The following RC3H1 variants were observed in gnomAD, a reference collection of about 807,000 sequenced individuals.
The protein encoded by RC3H1 is roquin-1.
RC3H1 carries 50 observed loss-of-function variants against 138.2 expected under a neutral mutation model. The ratio of observed to expected loss-of-function variants is 0.36; its 90% CI spans 0.29 to 0.46. RC3H1 has a LOEUF of 0.46. RC3H1 is among the 20% of genes least tolerant of loss of function. The probability of loss-of-function intolerance (pLI) is 1.00; values close to 1 mark genes in which losing one functional copy is unlikely to be tolerated. For synonymous variants in RC3H1, 462 were observed against 489.1 expected, an observed-to-expected ratio of 0.94 and a Z score of 0.73; for missense variants, 1,031 against 1,388.1, an observed-to-expected ratio of 0.74 and a Z score of 4.09.
intron 1 of RC3H1, among the ~76,000 whole-genome samples, chr1:174,018,656 G>T (rs1415218265): frequency 6.6e-6 from 1 of 152,190 alleles, no homozygotes; most frequent in Non-Finnish European, 1.5e-5. Flanking sequence ...GGAAAAGGCT[G>T]ACCAAAATCT....
chr1:174,002,575 A>T (rs563028183), intron 1 of RC3H1, among the ~76,000 whole-genome samples: 1 of 152,344 alleles, frequency 6.6e-6, no homozygotes, highest in East Asian at 1.9e-4. Flanking sequence ...CATCTAAAAA[A>T]GTCATTCAAT....
rs1196306006 is a variant in RC3H1, at chr1:173,936,745, ATATATATATATATATATTTT to A, written c.*1956_*1975del. On this transcript the variant is annotated 3_prime_UTR_variant, in exon 20 of 20. Coordinates refer to ENST00000367696, the MANE Select transcript of RC3H1 (RefSeq NM_172071.4). ...AAAAAGCATACATATATATATATAT[ATATATATATATATATATTTT>A]TTTTTTTTTTTTTAAAAAAAGAAGA... The A allele has an allele frequency of 2.8e-3, 142 of 51,512 alleles. No homozygotes were observed. The highest frequency in any genetic ancestry group is 0.011 in the African/African-American group (86 of 7,514). 3.2% of individuals were successfully genotyped at this position (51,512 alleles called of 1,614,324 possible).
chr1:173,967,219 G>A (rs1331654002), intron 9 of RC3H1, among the ~76,000 whole-genome samples: 1 of 152,146 alleles, frequency 6.6e-6, no homozygotes, highest in Non-Finnish European at 1.5e-5. Context: ...TTCTCGGGAG[G>A]CTGAGGTGAG....
At chr1:173,975,669 C>T (rs1182373406) in intron 7 of RC3H1, among the ~76,000 whole-genome samples, 6 of 60,550 alleles carry the variant, frequency 9.9e-5, no homozygotes, top group Admixed American at 4.9e-4. Context: ...GAGGCCGAGG[C>T]GGGCGGATCA....
chr1:173,941,292 G>A lies in RC3H1; in HGVS notation c.3224C>T (p.Pro1075Leu), dbSNP rs745392105. 14 of 1,612,968 alleles carry A rather than the reference G, an allele frequency of 8.7e-6. No homozygotes were observed. Among genetic ancestry groups the A allele is most frequent in the Admixed American group, 5.0e-5 (3 of 59,964 alleles). The change falls in exon 19 of 20, where the codon CCG becomes CTG. Residue 1075 changes from proline (P) to leucine (L), a missense_variant. Pro to Leu is a moderately conservative substitution (Grantham distance 98). Transcript: ENST00000367696. ...NGQPEPQNKV[P>L]AEDLTLTFSD... ...GAATGTCAATGTAAGGTCCTCAGCC[G>A]GAACCTTGTTTTGTGGTTCTGGTTG...
intron 1 of RC3H1, among the ~76,000 whole-genome samples, chr1:174,017,453 T>C (rs1661880512): frequency 6.6e-6 from 1 of 152,140 alleles, no homozygotes; most frequent in African/African-American, 2.4e-5. Flanking sequence ...TTCCTAACAA[T>C]CACATCCCAA....
chr1:173,967,140 T>C (rs944152259), intron 9 of RC3H1, among the ~76,000 whole-genome samples: 11 of 151,824 alleles, frequency 7.2e-5, no homozygotes, highest in Admixed American at 1.3e-4. Flanking sequence ...CTGGGAAACA[T>C]GGGAAAACTG....
chr1:173,947,978 T>TA (rs375496893), intron 14 of RC3H1, among the ~76,000 whole-genome samples: 62,429 of 151,876 alleles, frequency 0.41, 17,585 homozygotes, highest in African/African-American at 0.8. Context: ...CTCCTGGGCT[T>TA]AGCTTGCCTC....
chr1:173,971,914 C>A (rs1184814068), intron 8 of RC3H1, among the ~76,000 whole-genome samples: 2 of 151,964 alleles, frequency 1.3e-5, no homozygotes, highest in Non-Finnish European at 2.9e-5. Context: ...TCTAATGAAC[C>A]TAATATAAAT....
intron 15 of RC3H1, 33 bp downstream of exon 15, chr1:173,947,335 AC>A (rs762705017): frequency 6.9e-7 from 1 of 1,440,542 alleles, no homozygotes; most frequent in Non-Finnish European, 9.8e-7. Context: ...AAGATTATGA[AC>A]CCTTTAGGTC....
At chr1:173,994,349 G>A (rs1454890240) in intron 1 of RC3H1, among the ~76,000 whole-genome samples, 4 of 151,970 alleles carry the variant, frequency 2.6e-5, no homozygotes, top group Admixed American at 6.6e-5. Context: ...GCCGAGATCC[G>A]CCACTGTACT....
chr1:173,947,934 G>T (rs1307212780), intron 14 of RC3H1, among the ~76,000 whole-genome samples: 1 of 150,836 alleles, frequency 6.6e-6, no homozygotes, highest in Non-Finnish European at 1.5e-5. Flanking sequence ...TTATAGAGAT[G>T]AGGTCTCCCT....
intron 1 of RC3H1, among the ~76,000 whole-genome samples, chr1:173,993,925 C>T (rs1183466413): frequency 7.1e-6 from 1 of 140,200 alleles, no homozygotes; most frequent in Non-Finnish European, 1.5e-5. Context: ...GAGGCTGAGG[C>T]GGGAGAATCG....
rs1486936389 is a variant in RC3H1, at chr1:173,938,867, C to T, written c.3256G>A (p.Val1086Ile). ...TGTGTCAAGGCTGATCCATTTGGTA[C>T]ATCACTGCTGACATTTTAAAATTTT... ...AEDLTLTFSDVPNGSALTQEN... is the reference protein window; with the variant it reads ...AEDLTLTFSDIPNGSALTQEN... The change falls in exon 20 of 20, where the codon GTA becomes ATA. Residue 1086 changes from valine to isoleucine, a missense_variant. Val to Ile is a conservative substitution (Grantham distance 29, BLOSUM62 3). Coordinates refer to ENST00000367696, the MANE Select transcript of RC3H1 (RefSeq NM_172071.4). 1 of 1,599,922 alleles carries T rather than the reference C, an allele frequency of 6.3e-7. No individual in the cohort carries two copies. The highest frequency in any genetic ancestry group is 1.3e-5 in the African/African-American group (1 of 74,228).
intron 11 of RC3H1, among the ~76,000 whole-genome samples, chr1:173,962,882 T>A (rs74126479): frequency 0.033 from 4,996 of 152,308 alleles, 100 homozygotes; most frequent in Middle Eastern, 0.095. Flanking sequence ...TTTGCATGAA[T>A]TAGTAATGCC....
intron 1 of RC3H1, among the ~76,000 whole-genome samples, chr1:174,011,265 C>T (rs1347335062): frequency 6.6e-6 from 1 of 151,584 alleles, no homozygotes; most frequent in South Asian, 2.1e-4. Context: ...GAATCCATAA[C>T]TCAATTAAAA....
At chr1:173,985,441 A>C (rs773337748) in intron 2 of RC3H1, among the ~76,000 whole-genome samples, 24 of 152,214 alleles carry the variant, frequency 1.6e-4, no homozygotes, top group Non-Finnish European at 3.5e-4. Flanking sequence ...TTTATGTAGA[A>C]AGATAATTCT....
At chr1:174,008,976 G>GAAAAAA (rs59047478) in intron 1 of RC3H1, among the ~76,000 whole-genome samples, 1 of 84,240 alleles carries the variant, frequency 1.2e-5, no homozygotes, top group Non-Finnish European at 2.6e-5. Flanking sequence ...GACTTTGTCT[G>GAAAAAA]AAAAAAAAAA....
At position 173,970,746 on chromosome 1, in the gene RC3H1, A is replaced by G. The variant is rs1419435968; in HGVS notation, c.1222-129T>C. ...CATATTTATTTAGATTACCAAGAGC[A>G]AAAGTGCTGGAAAGTCATTCTGTCT... On this transcript the variant is annotated intron_variant, in intron 8 of 19. Transcript: ENST00000367696. 5 of 563,714 alleles carry G rather than the reference A, an allele frequency of 8.9e-6. No individual in the cohort carries two copies. In the Admixed American group the frequency reaches 1.5e-4, roughly 17 times the overall value. The allele number at this position is 563,714 out of a possible 1,614,324, so 34.9% of individuals were successfully genotyped here. A position where few individuals can be genotyped will look rare whatever the true frequency, so the allele number is the denominator to read the frequency against.
Sources: gnomAD v4.1 joint callset for allele counts (sites outside exome capture counted in the v4.1 genomes callset) on GRCh38, gnomAD v4.1.1 for gene constraint, MANE v1.5 for transcripts, NCBI Gene and HGNC (gene_info 2026-07-23, HGNC 2026-07-21) for gene names.